SH3BP5L: variants seen among roughly 807,000 people sequenced by gnomAD.
SH3BP5L encodes SH3 domain-binding protein 5-like.
A neutral mutation model predicts 40.9 loss-of-function variants in SH3BP5L; 16 were observed. The observed-to-expected ratio is 0.39, with a 90% CI of 0.27 to 0.59. The LOEUF (loss-of-function observed/expected upper bound fraction) is 0.59, where lower values mean the gene tolerates loss of function less well. Among genes scored for constraint, SH3BP5L ranks in the 20% least tolerant of loss-of-function variants. The probability of loss-of-function intolerance (pLI) is 0.53; values close to 1 mark genes in which losing one functional copy is unlikely to be tolerated. For missense variants in SH3BP5L, 471 were observed against 544.6 expected (o/e 0.86, Z 1.35); for synonymous variants, 229 against 226.7 (o/e 1.01, Z -0.09).
intron 2 of SH3BP5L, among the ~76,000 whole-genome samples, chr1:248,818,434 G>A (rs573045205): frequency 9.8e-5 from 15 of 152,320 alleles, no homozygotes; most frequent in African/African-American, 2.9e-4. Flanking sequence ...CCAAGGCAAC[G>A]CAGGACACAG....
At chr1:248,819,563 T>C (rs1664196226) in intron 2 of SH3BP5L, among the ~76,000 whole-genome samples, 2 of 151,524 alleles carry the variant, frequency 1.3e-5, no homozygotes, top group African/African-American at 4.9e-5. Context: ...AATAGCTGGG[T>C]ATGGTGGCAC....
At position 248,824,977 on chromosome 1, in the gene SH3BP5L, T is replaced by C. The variant is rs371963319; in HGVS notation, c.-42A>G. ...CAGAGCCCTATGCACAAGAGAGGAC[T>C]GACATGCTGGGACCAGGGCCCCAGC... On this transcript the variant is annotated 5_prime_UTR_variant, in exon 2 of 7. Coordinates refer to ENST00000366472, the MANE Select transcript of SH3BP5L (RefSeq NM_030645.3). The C allele has an allele frequency of 2.6e-5, 40 of 1,561,974 alleles. No individual in the cohort carries two copies. The African/African-American group carries it at 4.8e-4, about 19-fold the overall frequency.
Position 248,816,624 on chromosome 1 carries a change from C to A in SH3BP5L, c.285G>T (p.Ser95=). 1 of 1,614,096 alleles carries A rather than the reference C, an allele frequency of 6.2e-7. No individual in the cohort carries two copies. Residue 95 remains serine (S), a synonymous_variant, in exon 4 of 7, where the codon TCG becomes TCT. Transcript: ENST00000366472. The part of the protein sequence containing the change: ...RTTYRRILQE[S]ARKLNTQGSH... The stretch of plus-strand genomic sequence containing the variant: ...AACCCTGTGTATTCAGTTTCCTCGC[C>A]GACTCCTGTAGGATCCTCCGATAGG...
chr1:248,812,217 A>G lies in SH3BP5L; in HGVS notation c.865T>C (p.Ser289Pro). ...LPPHPLGPRR[S>P]SPVGAEAGPE... is the part of the protein sequence containing the mutation. ...CCTGCCTCGGCCCCCACGGGGGAGG[A>G]GCGCCGAGGGCCCAGGGGGTGGGGA... is the stretch of plus-strand genomic sequence containing the variant. The change falls in exon 7 of 7, where the codon TCC (serine) becomes CCC (proline). Residue 289 changes from serine (S) to proline (P), a missense_variant. Ser to Pro is a moderately conservative substitution (Grantham distance 74). Coordinates refer to ENST00000366472, the MANE Select transcript of SH3BP5L (RefSeq NM_030645.3). This position sits in a 1 kb window ranked among gnomAD's most constrained non-coding sequence, Gnocchi z 6.1. 1 of 1,605,270 alleles carries G rather than the reference A, an allele frequency of 6.2e-7. No individual in the cohort carries two copies. Among genetic ancestry groups the G allele is most frequent in the Non-Finnish European group, 8.5e-7 (1 of 1,177,078 alleles).
chr1:248,812,470 T>A lies in SH3BP5L; in HGVS notation c.712-100A>T. On this transcript the variant is annotated intron_variant, in intron 6 of 6. Coordinates refer to ENST00000366472, the MANE Select transcript of SH3BP5L (RefSeq NM_030645.3). The surrounding 1 kb of genome is among the most constrained non-coding windows in gnomAD (Gnocchi z 6.1). ...TGAGGGCCTGCTCTCCCAGAATACC[T>A]GGACAGCTGGCTCAGCATCCACCAC... 1.1e-6 allele frequency: 1 copy of A among 903,914 alleles called. No homozygotes were observed. Among genetic ancestry groups the A allele is most frequent in the Non-Finnish European group, 1.7e-6 (1 of 585,108 alleles). 56.0% of individuals were successfully genotyped at this position (903,914 alleles called of 1,614,324 possible). A position where few individuals can be genotyped will look rare whatever the true frequency, so the allele number is the denominator to read the frequency against.
intron 5 of SH3BP5L, chr1:248,814,031 A>C (rs1285053458): frequency 5.2e-6 from 1 of 191,200 alleles, no homozygotes; most frequent in Non-Finnish European, 1.1e-5. Flanking sequence ...CCCTTTCAGG[A>C]GCTTGGAAAT....
In SH3BP5L at chr1:248,821,287, A is replaced by G. The variant is rs1189005084; in HGVS notation, c.183+3466T>C. 6.6e-6 allele frequency: 1 copy of G among 152,392 alleles called. No individual in the cohort carries two copies. Among genetic ancestry groups the G allele is most frequent in the Non-Finnish European group, 1.5e-5 (1 of 68,154 alleles). The allele number at this position is 152,392 out of a possible 1,614,324, so 9.4% of individuals were successfully genotyped here. On this transcript the variant is annotated intron_variant, in intron 2 of 6. Coordinates refer to ENST00000366472, the MANE Select transcript of SH3BP5L (RefSeq NM_030645.3). This position sits in a 1 kb window ranked among gnomAD's most constrained non-coding sequence, Gnocchi z 4.6. ...CTGAAACGGAATTTGGGGAGGACAA[A>G]GTCTGAATCAACGTGCATCATCCAT...
In SH3BP5L at chr1:248,811,864, G is replaced by A. The variant is rs1481024757; in HGVS notation, c.*36C>T. On this transcript the variant is annotated 3_prime_UTR_variant, in exon 7 of 7. Transcript: ENST00000366472. ...AGACTGTGGGCCCCAACCGGCCCGT[G>A]GTGGCAGATTCAAGCCAGGAACCCT... 1 of 1,418,752 alleles carries A rather than the reference G, an allele frequency of 7.0e-7. No individual in the cohort carries two copies. The highest frequency in any genetic ancestry group is 2.3e-5 in the Admixed American group (1 of 43,202). 87.9% of individuals were successfully genotyped at this position (1,418,752 alleles called of 1,614,324 possible).
At chr1:248,816,446 G>T in intron 4 of SH3BP5L, 88 bp downstream of exon 4, 1 of 1,555,118 alleles carries the variant, frequency 6.4e-7, no homozygotes, top group Non-Finnish European at 8.8e-7. Context: ...AGGGTCTGGT[G>T]TTTTGTCTCT....
chr1:248,820,034 A>G (rs1254441085), intron 2 of SH3BP5L, among the ~76,000 whole-genome samples: 1 of 152,200 alleles, frequency 6.6e-6, no homozygotes, highest in Non-Finnish European at 1.5e-5. Context: ...ATTATTATCC[A>G]TACTTTTACT....
chr1:248,814,618 G>GA lies in SH3BP5L; in HGVS notation c.376-9dup. The GA allele has an allele frequency of 6.2e-7, 1 of 1,614,222 alleles. No individual in the cohort carries two copies. The highest frequency in any genetic ancestry group is 8.5e-7 in the Non-Finnish European group (1 of 1,180,038). On this transcript the variant is annotated splice_polypyrimidine_tract_variant and intron_variant, in intron 4 of 6. Coordinates refer to ENST00000366472, the MANE Select transcript of SH3BP5L (RefSeq NM_030645.3). ...CTGTGTCTCCTGCTGAGCCTGGGGGGAGAGGGATATCAGGATGGGGAACCC... is the reference window on the plus strand; with the variant it reads ...CTGTGTCTCCTGCTGAGCCTGGGGGGAAGAGGGATATCAGGATGGGGAACCC...
chr1:248,812,791 C>T lies in SH3BP5L; in HGVS notation c.711+198G>A, dbSNP rs1427135583. Among the ~76,000 whole-genome samples the T allele has an allele frequency of 6.6e-6, 1 of 151,874 alleles. No individual in the cohort carries two copies. Among genetic ancestry groups the T allele is most frequent in the African/African-American group, 2.4e-5 (1 of 41,262 alleles). On this transcript the variant is annotated intron_variant, in intron 6 of 6. Coordinates refer to ENST00000366472, the MANE Select transcript of SH3BP5L (RefSeq NM_030645.3). This position sits in a 1 kb window ranked among gnomAD's most constrained non-coding sequence, Gnocchi z 6.1. ...CCAACTACGTTCTCGCCGTCACCAG[C>T]CCCCATCACCAGCCCCCATCCCTGC...
At chr1:248,825,474 C>T in intron 1 of SH3BP5L, 108 bp from the exon 2 acceptor site, 1 of 762,586 alleles carries the variant, frequency 1.3e-6, no homozygotes, top group Non-Finnish European at 1.6e-6. Flanking sequence ...CACCACGCCC[C>T]CACCCATGTA....
intron 5 of SH3BP5L, 68 bp downstream of exon 5, chr1:248,814,381 G>C: frequency 2.0e-6 from 3 of 1,521,616 alleles, no homozygotes; most frequent in Non-Finnish European, 2.7e-6. Context: ...AGGAGGTGAG[G>C]TGATAAAGAC....
chr1:248,817,618 C>T (rs570782383), intron 2 of SH3BP5L, among the ~76,000 whole-genome samples: 22 of 151,230 alleles, frequency 1.5e-4, no homozygotes, highest in African/African-American at 4.1e-4. Context: ...TTTGGGAGGC[C>T]GAGGCAGGCA....
At chr1:248,819,113 T>A (rs959450670) in intron 2 of SH3BP5L, among the ~76,000 whole-genome samples, 1 of 152,148 alleles carries the variant, frequency 6.6e-6, no homozygotes, top group Admixed American at 6.5e-5. Flanking sequence ...CCTGCCTTGA[T>A]CCTGAAAAGA....
At position 248,811,672 on chromosome 1, in the gene SH3BP5L, G is replaced by A. The variant is rs1272141377; in HGVS notation, c.*228C>T. The A allele has an allele frequency of 2.1e-5, 10 of 467,184 alleles. No individual in the cohort carries two copies. Among genetic ancestry groups the A allele is most frequent in the Non-Finnish European group, 3.0e-5 (8 of 264,884 alleles). 28.9% of individuals were successfully genotyped at this position (467,184 alleles called of 1,614,324 possible). A position where few individuals can be genotyped will look rare whatever the true frequency, so the allele number is the denominator to read the frequency against. On this transcript the variant is annotated 3_prime_UTR_variant, in exon 7 of 7. Transcript: ENST00000366472. The stretch of plus-strand genomic sequence containing the variant: ...GAGGCAGACAGAGCGCCGAGGGCGA[G>A]CCTTCTGAATGGGTAAGGCAAAGAG...
At chr1:248,817,060 G>A (rs1211347990) in intron 2 of SH3BP5L, 176 bp from the exon 3 acceptor site, 1 of 1,531,862 alleles carries the variant, frequency 6.5e-7, no homozygotes, top group African/African-American at 1.4e-5. Flanking sequence ...GTCTATCAGG[G>A]ACCTGATACA....
Position 248,814,677 on chromosome 1 carries a change from T to C in SH3BP5L, c.376-67A>G, listed in dbSNP as rs541325773. ...CCCAGCTGCCCATGGAGACCCATAATAGACGTGAGGATAAGAGAAGGAGGA... is the reference window on the plus strand; with the variant it reads ...CCCAGCTGCCCATGGAGACCCATAACAGACGTGAGGATAAGAGAAGGAGGA... On this transcript the variant is annotated intron_variant, in intron 4 of 6. Coordinates refer to ENST00000366472, the MANE Select transcript of SH3BP5L (RefSeq NM_030645.3). 4.4e-5 allele frequency: 67 copies of C among 1,536,796 alleles called. No individual in the cohort carries two copies. The African/African-American group carries it at 8.2e-4, about 19-fold the overall frequency.
Sources: allele counts gnomAD v4.1 joint callset (sites outside exome capture counted in the v4.1 genomes callset), GRCh38; gene constraint gnomAD v4.1.1; non-coding constraint Gnocchi (gnomAD v3.1); transcripts MANE v1.5; gene names NCBI Gene and HGNC (gene_info 2026-07-23, HGNC 2026-07-21).